Variants in MPP7 observed in about 807,000 individuals in gnomAD.
MPP7 encodes the protein MAGUK p55 scaffold protein 7.
Under a neutral mutation model 76.5 loss-of-function variants are expected in MPP7, and 60 were observed. The ratio of observed to expected loss-of-function variants is 0.78; its 90% CI spans 0.64 to 0.97. The LOEUF (loss-of-function observed/expected upper bound fraction) is 0.97, where lower values mean the gene tolerates loss of function less well. Ranked by LOEUF, MPP7 falls within the 50% of genes least tolerant of loss-of-function variation. The pLI, the probability that MPP7 is intolerant of heterozygous loss-of-function variation, is 0.00. For synonymous variants in MPP7, 237 were observed against 244.5 expected (o/e 0.97, Z 0.29); for missense variants, 641 against 694.0 (o/e 0.92, Z 0.86).
chr10:28,124,270 G>T (rs1256432778), intron 7 of MPP7, among the ~76,000 whole-genome samples, 154 bp from the exon 8 acceptor site: 1 of 152,088 alleles, frequency 6.6e-6, no homozygotes, highest in African/African-American at 2.4e-5. Flanking sequence ...CAGCCTCTAT[G>T]CCTCTCCATA....
intron 1 of MPP7, among the ~76,000 whole-genome samples, chr10:28,260,970 T>C (rs779220746): frequency 1.3e-5 from 2 of 152,124 alleles, no homozygotes; most frequent in Non-Finnish European, 2.9e-5. Context: ...AAAATTACAC[T>C]ATAAAATTTA....
chr10:28,318,480 G>C (rs909384691), intron 2 of MPP7, among the ~76,000 whole-genome samples: 1 of 152,202 alleles, frequency 6.6e-6, no homozygotes, highest in Non-Finnish European at 1.5e-5. Flanking sequence ...GAAGTCAGGA[G>C]TTTGAGACCA....
intron 2 of MPP7, among the ~76,000 whole-genome samples, chr10:28,317,713 G>T (rs369085426): frequency 3.9e-5 from 6 of 152,298 alleles, no homozygotes; most frequent in East Asian, 1.9e-4. Flanking sequence ...TGATACAGTG[G>T]CAGGAAAGTG....
intron 3 of MPP7, among the ~76,000 whole-genome samples, chr10:28,192,117 T>C (rs947158500): frequency 6.6e-6 from 1 of 151,104 alleles, no homozygotes; most frequent in African/African-American, 2.4e-5. Context: ...CCATTCACAA[T>C]AAAAACTCTG....
chr10:28,289,309 A>G (rs1439791318), intron 1 of MPP7: 2 of 152,110 alleles, frequency 1.3e-5, no homozygotes, highest in Non-Finnish European at 2.9e-5. Context: ...TCAAAAAAAA[A>G]AAAAAGCTAA....
chr10:28,271,291 A>C (rs1048065079), intron 1 of MPP7, among the ~76,000 whole-genome samples: 1 of 152,196 alleles, frequency 6.6e-6, no homozygotes, highest in Non-Finnish European at 1.5e-5. Flanking sequence ...GAGAAGAAAA[A>C]ACATTAAGTG....
At chr10:28,111,409 T>C (rs751337351) in intron 11 of MPP7, among the ~76,000 whole-genome samples, 1 of 152,214 alleles carries the variant, frequency 6.6e-6, no homozygotes, top group African/African-American at 2.4e-5. Context: ...TTACATAGCT[T>C]ATTAAATAAC....
chr10:28,316,216 C>G (rs1006800416), intron 2 of MPP7, among the ~76,000 whole-genome samples: 1 of 151,978 alleles, frequency 6.6e-6, no homozygotes, highest in African/African-American at 2.4e-5. Context: ...GCAGGTAGAT[C>G]ACTTGAGGTC....
At chr10:28,197,666 C>T (rs1253765850) in intron 3 of MPP7, among the ~76,000 whole-genome samples, 1 of 152,152 alleles carries the variant, frequency 6.6e-6, no homozygotes, top group Admixed American at 6.5e-5. Flanking sequence ...CTCTGGGAGA[C>T]TGGAGCCCCC....
intron 1 of MPP7, among the ~76,000 whole-genome samples, chr10:28,300,046 C>T (rs893883921): frequency 2.0e-5 from 3 of 152,162 alleles, no homozygotes; most frequent in Admixed American, 6.5e-5. Context: ...GGATTACAGG[C>T]GTGAGCCACC....
chr10:28,152,213 T>C (rs972743422), intron 3 of MPP7, among the ~76,000 whole-genome samples: 12 of 152,212 alleles, frequency 7.9e-5, no homozygotes, highest in Non-Finnish European at 1.8e-4. Flanking sequence ...ACCCAATTGA[T>C]AGAGTATCCC....
chr10:28,224,621 C>A (rs1381164531), intron 2 of MPP7, among the ~76,000 whole-genome samples: 1 of 152,072 alleles, frequency 6.6e-6, no homozygotes, highest in African/African-American at 2.4e-5. Context: ...ATCATTTTTG[C>A]TACTATTTAA....
intron 12 of MPP7, among the ~76,000 whole-genome samples, chr10:28,072,179 CAGG>C (rs1412672310): frequency 2.0e-5 from 3 of 152,134 alleles, no homozygotes; most frequent in Admixed American, 6.5e-5. Flanking sequence ...GAGGCTGAGG[CAGG>C]AGAATTGCTT....
chr10:28,067,978 A>G (rs1366947588), intron 13 of MPP7, among the ~76,000 whole-genome samples: 1 of 152,114 alleles, frequency 6.6e-6, no homozygotes, highest in African/African-American at 2.4e-5. Flanking sequence ...AATATCAACC[A>G]TCTTATACTT....
At chr10:28,196,357 G>T (rs1393153122) in intron 3 of MPP7, among the ~76,000 whole-genome samples, 1 of 151,922 alleles carries the variant, frequency 6.6e-6, no homozygotes, top group Non-Finnish European at 1.5e-5. Flanking sequence ...GCAGGTGCCT[G>T]TAATTGCAGC....
chr10:28,225,608 T>C (rs1317760599), intron 2 of MPP7, among the ~76,000 whole-genome samples: 2 of 152,124 alleles, frequency 1.3e-5, no homozygotes, highest in Non-Finnish European at 2.9e-5. Context: ...AAAATCACAA[T>C]GAAATCACTC....
intron 1 of MPP7, among the ~76,000 whole-genome samples, chr10:28,247,776 T>C (rs1307135750): frequency 6.6e-6 from 1 of 152,216 alleles, no homozygotes; most frequent in African/African-American, 2.4e-5. Context: ...TATTCTGTAT[T>C]AGCCCTTTAT....
At chr10:28,307,814 C>T (rs1253782164), upstream of MPP7, among the ~76,000 whole-genome samples, 3 of 152,140 alleles carry the variant, frequency 2.0e-5, no homozygotes, top group Non-Finnish European at 4.4e-5. Context: ...CTCTCTATCC[C>T]CCTAGAATCC....
At chr10:28,320,082 G>A (rs892587464) in intron 2 of MPP7, among the ~76,000 whole-genome samples, 1 of 152,172 alleles carries the variant, frequency 6.6e-6, no homozygotes, top group Non-Finnish European at 1.5e-5. Context: ...CCCCAGTCAC[G>A]CACTGAATGT....
Sources: allele counts gnomAD v4.1 joint callset (sites outside exome capture counted in the v4.1 genomes callset), GRCh38; gene constraint gnomAD v4.1.1; transcripts MANE v1.5; gene names NCBI Gene and HGNC (gene_info 2026-07-23, HGNC 2026-07-21).